AGAP1: variants seen among roughly 807,000 people sequenced by gnomAD.
AGAP1 encodes the protein ArfGAP with GTPase domain, ankyrin repeat and PH domain 1.
A neutral mutation model predicts 105.3 loss-of-function variants in AGAP1; 29 were observed. The ratio of observed to expected loss-of-function variants is 0.28; its 90% confidence interval spans 0.21 to 0.38. The LOEUF (loss-of-function observed/expected upper bound fraction) is 0.38. AGAP1 is among the 10% of genes least tolerant of loss of function. The probability of loss-of-function intolerance (pLI) is 1.00; values close to 1 mark genes in which losing one functional copy is unlikely to be tolerated. For missense variants in AGAP1, 998 were observed against 1,165.1 expected (o/e 0.86, Z 2.09); for synonymous variants, 509 against 485.9 (o/e 1.05, Z -0.63).
chr2:235,897,220 G>T (rs1371404401), intron 10 of AGAP1, among the ~76,000 whole-genome samples: 1 of 151,952 alleles, frequency 6.6e-6, no homozygotes, highest in Non-Finnish European at 1.5e-5. Context: ...TTATATTGTT[G>T]GTAGGGACAG....
chr2:235,753,540 A>C lies in AGAP1; in HGVS notation c.673+3052A>C, dbSNP rs1953640963. Among the ~76,000 whole-genome samples, 1 of 152,090 alleles carries C rather than the reference A, an allele frequency of 6.6e-6. No individual in the cohort carries two copies. Among genetic ancestry groups the C allele is most frequent in the Non-Finnish European group, 1.5e-5 (1 of 68,020 alleles). ...GCCACCATGGCGAAATCCCATCTCTACTAAAATTGCAAAAAATTAGCCGGG... is the reference window on the plus strand; with the variant it reads ...GCCACCATGGCGAAATCCCATCTCTCCTAAAATTGCAAAAAATTAGCCGGG... On this transcript the variant is annotated intron_variant, in intron 6 of 17. Transcript: ENST00000304032. This position sits in a 1 kb window ranked among gnomAD's most constrained non-coding sequence, Gnocchi z 4.5.
chr2:235,917,562 C>T (rs2051954041), intron 11 of AGAP1, among the ~76,000 whole-genome samples: 1 of 152,070 alleles, frequency 6.6e-6, no homozygotes, highest in African/African-American at 2.4e-5. Context: ...GCGCTCTCCG[C>T]CGTGACAGGG....
intron 13 of AGAP1, among the ~76,000 whole-genome samples, chr2:236,010,903 C>T (rs1353009752): frequency 2.6e-5 from 4 of 152,048 alleles, no homozygotes; most frequent in Non-Finnish European, 4.4e-5. Flanking sequence ...AAAAATTAGT[C>T]GGGCGTGGTG....
At chr2:235,613,979 A>G (rs947560966) in intron 1 of AGAP1, among the ~76,000 whole-genome samples, 2 of 150,048 alleles carry the variant, frequency 1.3e-5, no homozygotes, top group Non-Finnish European at 2.9e-5. Flanking sequence ...AATATTGTGC[A>G]TGAGTCAGAA....
At chr2:235,579,698 C>T (rs1396076047) in intron 1 of AGAP1, among the ~76,000 whole-genome samples, 1 of 151,984 alleles carries the variant, frequency 6.6e-6, no homozygotes, top group African/African-American at 2.4e-5. Context: ...ATGGCGTGAA[C>T]CCAGGAGGAG....
rs1947902726 is a variant in AGAP1, at chr2:235,660,205, A to G, written c.164-48974A>G. Among the ~76,000 whole-genome samples, 1 of 152,172 alleles carries G rather than the reference A, an allele frequency of 6.6e-6. No homozygotes were observed. Among genetic ancestry groups the G allele is most frequent in the Non-Finnish European group, 1.5e-5 (1 of 68,042 alleles). ...GCTGAGGATTTTTGTGGCTAGGGGA[A>G]GAAGTGAATCACCCTCTTCTCTGTG... On this transcript the variant is annotated intron_variant, in intron 1 of 17. Coordinates refer to ENST00000304032, the MANE Select transcript of AGAP1 (RefSeq NM_001037131.3). The surrounding 1 kb of genome is among the most constrained non-coding windows in gnomAD (Gnocchi z 5.3).
intron 9 of AGAP1, among the ~76,000 whole-genome samples, chr2:235,833,884 G>A (rs1575581154): frequency 7.1e-6 from 1 of 140,186 alleles, no homozygotes; most frequent in African/African-American, 2.7e-5. Flanking sequence ...TAAAGCTCTG[G>A]TTGCAGCTCA....
At chr2:235,895,592 G>T (rs189287644) in intron 10 of AGAP1, among the ~76,000 whole-genome samples, 1 of 152,072 alleles carries the variant, frequency 6.6e-6, no homozygotes, top group Non-Finnish European at 1.5e-5. Flanking sequence ...GTGCTCTCAC[G>T]TTACTCTATT....
chr2:236,029,973 A>T (rs2057177076), intron 13 of AGAP1, among the ~76,000 whole-genome samples: 1 of 152,152 alleles, frequency 6.6e-6, no homozygotes, highest in Admixed American at 6.5e-5. Flanking sequence ...TCCTGGGCTC[A>T]AGTGATTCTG....
At chr2:235,947,202 G>T (rs561126958) in intron 12 of AGAP1, among the ~76,000 whole-genome samples, 1 of 152,008 alleles carries the variant, frequency 6.6e-6, no homozygotes, top group Non-Finnish European at 1.5e-5. Flanking sequence ...TGTACCCAAC[G>T]TGTAGTCTTT....
intron 9 of AGAP1, among the ~76,000 whole-genome samples, chr2:235,851,045 G>A (rs1324742984): frequency 6.6e-6 from 1 of 152,228 alleles, no homozygotes; most frequent in Non-Finnish European, 1.5e-5. Flanking sequence ...CATGGGGTTG[G>A]TGTTCACAGG....
intron 12 of AGAP1, among the ~76,000 whole-genome samples, chr2:235,941,149 A>T (rs2053239936): frequency 6.6e-6 from 1 of 152,228 alleles, no homozygotes; most frequent in Admixed American, 6.5e-5. Context: ...CAGTGTATAC[A>T]GTTTATGGCA....
intron 1 of AGAP1, among the ~76,000 whole-genome samples, chr2:235,502,004 G>GATTT: frequency 6.6e-6 from 1 of 152,188 alleles, no homozygotes; most frequent in Non-Finnish European, 1.5e-5. Context: ...TTATTCAGGG[G>GATTT]TACAAGTGCT....
intron 1 of AGAP1, among the ~76,000 whole-genome samples, chr2:235,602,762 T>C (rs1400909725): frequency 6.6e-6 from 1 of 152,146 alleles, no homozygotes; most frequent in Non-Finnish European, 1.5e-5. Flanking sequence ...AGTGCAGTGG[T>C]GCGATCTTGG....
chr2:236,119,503 C>A lies in AGAP1; in HGVS notation c.2115-689C>A, dbSNP rs1018773234. On this transcript the variant is annotated intron_variant, in intron 16 of 17. Transcript: ENST00000304032. This position sits in a 1 kb window ranked among gnomAD's most constrained non-coding sequence, Gnocchi z 6.6. ...GAGACCCTGGGGAGTCCACACACAC[C>A]CCCTATTTCGGAGTTTGAAGCTAAA... 3.3e-5 allele frequency among the ~76,000 whole-genome samples: 5 copies of A among 152,124 alleles called. No homozygotes were observed. The highest frequency in any genetic ancestry group is 6.5e-5 in the Admixed American group (1 of 15,270).
In AGAP1 at chr2:235,813,053, G is replaced by A. The variant is rs932212208; in HGVS notation, c.1050+5722G>A. ...ATGTAATAGCCAGGCAGGTGTATCA[G>A]TGCTTTTACTTTGACTCCTCAAATC... On this transcript the variant is annotated intron_variant, in intron 9 of 17. Coordinates refer to ENST00000304032, the MANE Select transcript of AGAP1 (RefSeq NM_001037131.3). Among the ~76,000 whole-genome samples the A allele has an allele frequency of 3.3e-4, 50 of 152,306 alleles. 1 individual carries two copies. Among genetic ancestry groups the A allele is most frequent in the African/African-American group, 1.2e-3 (48 of 41,560 alleles).
chr2:235,884,942 G>C (rs915930291), intron 10 of AGAP1, among the ~76,000 whole-genome samples: 2 of 152,124 alleles, frequency 1.3e-5, no homozygotes, highest in Non-Finnish European at 2.9e-5. Flanking sequence ...TGAATTCCTG[G>C]CCTCAAGCAA....
intron 13 of AGAP1, among the ~76,000 whole-genome samples, chr2:236,022,088 G>A (rs1321468756): frequency 6.8e-6 from 1 of 147,872 alleles, no homozygotes; most frequent in African/African-American, 2.5e-5. Flanking sequence ...AGGCACATAT[G>A]GCACCCTACA....
chr2:235,852,706 T>G (rs2048523946), intron 9 of AGAP1: 1 of 1,519,220 alleles, frequency 6.6e-7, no homozygotes. Context: ...TCTTTGTCCT[T>G]GCACTGACAG....
Sources: allele counts gnomAD v4.1 joint callset (sites outside exome capture counted in the v4.1 genomes callset), GRCh38; gene constraint gnomAD v4.1.1; non-coding constraint Gnocchi (gnomAD v3.1); transcripts MANE v1.5; gene names NCBI Gene and HGNC (gene_info 2026-07-23, HGNC 2026-07-21).